The following HYCC2 variants were observed in gnomAD, a reference collection of about 807,000 sequenced individuals.
HYCC2 encodes hyccin 2.
the HYCC2 span, among the ~76,000 whole-genome samples, chr2:201,019,466 T>G: frequency 6.6e-6 from 1 of 152,174 alleles, no homozygotes; most frequent in Non-Finnish European, 1.5e-5. Flanking sequence ...CGTTAAAAAC[T>G]CGCTGGTCAG....
the HYCC2 span, chr2:200,992,443 T>G: frequency 9.7e-7 from 1 of 1,030,690 alleles, no homozygotes; most frequent in East Asian, 2.4e-5. Flanking sequence ...TTGTTCCAAG[T>G]CCTGCTATTT....
At chr2:201,042,666 G>A in the HYCC2 span, among the ~76,000 whole-genome samples, 2 of 150,774 alleles carry the variant, frequency 1.3e-5, no homozygotes, top group Admixed American at 6.6e-5. Context: ...AGTGAGGAGC[G>A]TCTCCGCCCG....
chr2:200,981,056 C>T, the HYCC2 span: 1 of 614,090 alleles, frequency 1.6e-6, no homozygotes, highest in Non-Finnish European at 2.8e-6. The surrounding 1 kb of genome is among the most constrained non-coding windows in gnomAD (Gnocchi z 4.5). Context: ...TTCACAAACA[C>T]ATTTACAAGG....
the HYCC2 span, chr2:201,024,065 A>T: frequency 6.1e-6 from 8 of 1,317,312 alleles, no homozygotes; most frequent in Admixed American, 1.4e-4. Flanking sequence ...ATTGAAGCTG[A>T]GGACAGTAGT....
chr2:201,014,373 G>T, the HYCC2 span, among the ~76,000 whole-genome samples: 191 of 152,170 alleles, frequency 1.3e-3, no homozygotes, highest in Non-Finnish European at 1.8e-3. Context: ...AGGCAAGTTA[G>T]GAAAGTAGAG....
the HYCC2 span, chr2:201,064,014 G>C: frequency 3.8e-6 from 6 of 1,596,422 alleles, no homozygotes; most frequent in African/African-American, 8.0e-5. Context: ...GGCGGTTCCA[G>C]CAGTAGCAGT....
chr2:201,001,298 G>A, the HYCC2 span, among the ~76,000 whole-genome samples: 12 of 152,174 alleles, frequency 7.9e-5, no homozygotes, highest in East Asian at 5.8e-4. Context: ...TTGTACTTTC[G>A]AATCTGCAGA....
chr2:201,010,898 G>A, the HYCC2 span, among the ~76,000 whole-genome samples: 8 of 151,948 alleles, frequency 5.3e-5, no homozygotes, highest in Non-Finnish European at 1.0e-4. Context: ...TGTAATCCCA[G>A]CACTTTGGGA....
the HYCC2 span, chr2:200,992,881 A>C: frequency 6.6e-7 from 1 of 1,504,616 alleles, no homozygotes; most frequent in Non-Finnish European, 9.2e-7. Context: ...TATTCCACCT[A>C]CTTACATGGC....
At chr2:201,008,768 T>A in the HYCC2 span, among the ~76,000 whole-genome samples, 1 of 152,058 alleles carries the variant, frequency 6.6e-6, no homozygotes, top group Non-Finnish European at 1.5e-5. Context: ...CATGGTGGTG[T>A]ACACCTGTAG....
the HYCC2 span, chr2:200,976,085 T>C: frequency 6.6e-6 from 1 of 152,210 alleles, no homozygotes; most frequent in South Asian, 2.1e-4. Flanking sequence ...TCTAATTGGT[T>C]TTCAAACAAC....
At chr2:201,008,830 C>A in the HYCC2 span, 1 of 573,312 alleles carries the variant, frequency 1.7e-6, no homozygotes, top group South Asian at 2.1e-5. Flanking sequence ...CCTGGGAGGT[C>A]AAGGCTGCAG....
chr2:200,993,808 C>A, the HYCC2 span, among the ~76,000 whole-genome samples: 42 of 150,934 alleles, frequency 2.8e-4, no homozygotes, highest in Non-Finnish European at 4.4e-4. Flanking sequence ...GGTGAAACCC[C>A]GTCTCTACTA....
At chr2:201,022,583 G>A in the HYCC2 span, 1 of 313,842 alleles carries the variant, frequency 3.2e-6, no homozygotes, top group Non-Finnish European at 5.8e-6. Context: ...AATCCACTGA[G>A]ATGATGGTCA....
chr2:201,049,788 AT>A, the HYCC2 span, among the ~76,000 whole-genome samples: 1 of 152,204 alleles, frequency 6.6e-6, no homozygotes, highest in Non-Finnish European at 1.5e-5. Context: ...ATTAACAACA[AT>A]AACAAAAATA....
chr2:200,976,627 A>G, the HYCC2 span: 34 of 152,312 alleles, frequency 2.2e-4, no homozygotes, highest in African/African-American at 7.9e-4. Context: ...ATTTAAAGCT[A>G]CTAGATGGAA....
chr2:201,017,253 T>G, the HYCC2 span: 1 of 983,000 alleles, frequency 1.0e-6, no homozygotes, highest in Non-Finnish European at 1.4e-6. Flanking sequence ...CACCTATATC[T>G]GTATAATATT....
At chr2:201,022,447 T>C in the HYCC2 span, 7 of 226,070 alleles carry the variant, frequency 3.1e-5, no homozygotes, top group East Asian at 8.6e-4. Context: ...TACCTAGTTA[T>C]ATATTATCAG....
chr2:201,021,731 C>A, the HYCC2 span: 2 of 205,866 alleles, frequency 9.7e-6, no homozygotes, highest in Non-Finnish European at 2.0e-5. Context: ...ATAAGCAAAG[C>A]TTAAATGTTA....
Sources: allele counts gnomAD v4.1 joint callset (sites outside exome capture counted in the v4.1 genomes callset), GRCh38; gene constraint gnomAD v4.1.1; non-coding constraint Gnocchi (gnomAD v3.1); transcripts MANE v1.5; gene names NCBI Gene and HGNC (gene_info 2026-07-23, HGNC 2026-07-21).